The following COL22A1 variants were observed in gnomAD, a reference collection of about 807,000 sequenced individuals.
COL22A1 encodes the protein collagen type XXII alpha 1 chain, also known as collagen alpha-1(XXII) chain.
A neutral mutation model predicts 248.9 loss-of-function variants in COL22A1; 221 were observed. That is an observed-to-expected ratio of 0.89 (90% CI 0.80 to 0.99). COL22A1 has a LOEUF of 0.99. Ranked by LOEUF, COL22A1 falls within the 50% of genes least tolerant of loss-of-function variation. COL22A1 has a pLI of 0.00. For missense variants in COL22A1, 2,240 were observed against 2,179.0 expected, an observed-to-expected ratio of 1.03 and a Z score of -0.56; for synonymous variants, 891 against 793.4, an observed-to-expected ratio of 1.12 and a Z score of -2.07.
chr8:138,663,970 C>T (rs1032369241), intron 41 of COL22A1, among the ~76,000 whole-genome samples: 2 of 151,890 alleles, frequency 1.3e-5, no homozygotes, highest in African/African-American at 4.8e-5. Context: ...TGATGCCACC[C>T]TATCATCATC....
chr8:138,710,606 T>TATATATATATATATAG (rs150247137), intron 30 of COL22A1, among the ~76,000 whole-genome samples: 11 of 147,840 alleles, frequency 7.4e-5, no homozygotes, highest in African/African-American at 2.8e-4. Context: ...TATCTATCTA[T>TATATATATATATATAG]CTATATATAT....
intron 3 of COL22A1, among the ~76,000 whole-genome samples, chr8:138,858,354 C>A (rs1239247969): frequency 6.6e-6 from 1 of 151,938 alleles, no homozygotes; most frequent in Non-Finnish European, 1.5e-5. Flanking sequence ...TTCTTTTTTT[C>A]TTTTTCTTTG....
In COL22A1 at chr8:138,773,248, A is replaced by T. The variant is rs973746817; in HGVS notation, c.1803+2718T>A. Among the ~76,000 whole-genome samples the T allele has an allele frequency of 2.6e-5, 4 of 152,148 alleles. No homozygotes were observed. The East Asian group carries it at 7.7e-4, about 29-fold the overall frequency. On this transcript the variant is annotated intron_variant, in intron 16 of 64. Coordinates refer to ENST00000303045, the MANE Select transcript of COL22A1 (RefSeq NM_152888.3). ...TCCCCTGACAGGCTCAGCCCAGCCC[A>T]GGATTCAGACAAATGGAGAAGCCAC...
At chr8:138,627,598 A>T (rs893048413) in intron 50 of COL22A1, among the ~76,000 whole-genome samples, 3 of 152,168 alleles carry the variant, frequency 2.0e-5, no homozygotes, top group African/African-American at 7.2e-5. Flanking sequence ...AATCAATTCC[A>T]TTGGCAGAGA....
chr8:138,664,780 A>T (rs144417910), intron 41 of COL22A1, among the ~76,000 whole-genome samples: 1 of 152,336 alleles, frequency 6.6e-6, no homozygotes, highest in Non-Finnish European at 1.5e-5. Context: ...CATTTGATCA[A>T]AATGAAAAAT....
chr8:138,590,424 C>T (rs937045591), intron 64 of COL22A1, among the ~76,000 whole-genome samples: 2 of 152,124 alleles, frequency 1.3e-5, no homozygotes, highest in Non-Finnish European at 2.9e-5. Flanking sequence ...CAGTTACTTC[C>T]TCCTTTTAAA....
chr8:138,773,160 A>G (rs1834529953), intron 16 of COL22A1, among the ~76,000 whole-genome samples: 1 of 152,238 alleles, frequency 6.6e-6, no homozygotes. Context: ...CTCATGGAAC[A>G]GTGAACCCAG....
intron 22 of COL22A1, among the ~76,000 whole-genome samples, chr8:138,741,676 G>A (rs1372007230): frequency 1.3e-5 from 2 of 152,238 alleles, no homozygotes; most frequent in Admixed American, 1.3e-4. Flanking sequence ...GCTCCTTTGT[G>A]TTCTTGTAGT....
chr8:138,809,187 C>T (rs975082715), intron 9 of COL22A1, among the ~76,000 whole-genome samples: 1 of 152,108 alleles, frequency 6.6e-6, no homozygotes, highest in Non-Finnish European at 1.5e-5. Flanking sequence ...AGCAGGCTCC[C>T]TTCTCACCCC....
At position 138,743,986 on chromosome 8, in the gene COL22A1, AG is replaced by A. The variant is rs549727216; in HGVS notation, c.2086-6410del. 1.8e-4 allele frequency among the ~76,000 whole-genome samples: 27 copies of A among 152,320 alleles called. 1 individual carries two copies. In the South Asian group the frequency reaches 5.4e-3, roughly 30 times the overall value. On this transcript the variant is annotated intron_variant, in intron 22 of 64. Coordinates refer to ENST00000303045, the MANE Select transcript of COL22A1 (RefSeq NM_152888.3). ...ATATGTGCCGTATGGTCTTCTGCTCAGTTCCTGTTCTCCAGGCCTCAGAATG... is the reference window on the plus strand; with the variant it reads ...ATATGTGCCGTATGGTCTTCTGCTCATTCCTGTTCTCCAGGCCTCAGAATG...
intron 12 of COL22A1, among the ~76,000 whole-genome samples, chr8:138,794,828 T>C (rs1478089639): frequency 1.3e-5 from 2 of 152,114 alleles, no homozygotes; most frequent in African/African-American, 4.8e-5. Flanking sequence ...AAATACTACA[T>C]AATTCCACAT....
At position 138,889,232 on chromosome 8, in the gene COL22A1, C is replaced by A. The variant is rs16909752; in HGVS notation, c.-72-5988G>T. On this transcript the variant is annotated intron_variant, in intron 1 of 64. Coordinates refer to ENST00000303045, the MANE Select transcript of COL22A1 (RefSeq NM_152888.3). The stretch of plus-strand genomic sequence containing the variant: ...TCTGGGCACTAAACCCACACTCTTT[C>A]CCTGAACTCAATGGATACAACAAAT... Among the ~76,000 whole-genome samples the A allele has an allele frequency of 5.1e-3, 775 of 152,274 alleles. 4 individuals are homozygous for A. Among genetic ancestry groups the A allele is most frequent in the African/African-American group, 0.018 (730 of 41,546 alleles).
At position 138,590,276 on chromosome 8, in the gene COL22A1, T is replaced by G. The variant is rs180887419; in HGVS notation, c.4694-836A>C. Among the ~76,000 whole-genome samples, 95 of 152,314 alleles carry G rather than the reference T, an allele frequency of 6.2e-4. 1 individual carries two copies. The highest frequency in any genetic ancestry group is 2.2e-3 in the African/African-American group (93 of 41,582). On this transcript the variant is annotated intron_variant, in intron 64 of 64. Transcript: ENST00000303045. ...AAAGTAAACTTTTTACTTAAAAAGA[T>G]CTGTAGATATTTCACTAACTCTATT...
chr8:138,766,736 T>C (rs1833941816), intron 16 of COL22A1, among the ~76,000 whole-genome samples: 1 of 152,014 alleles, frequency 6.6e-6, no homozygotes, highest in African/African-American at 2.4e-5. Flanking sequence ...ACAGAAGATG[T>C]GGCATTCAGA....
At chr8:138,613,571 C>G (rs1389182813) in intron 56 of COL22A1, among the ~76,000 whole-genome samples, 1 of 152,178 alleles carries the variant, frequency 6.6e-6, no homozygotes, top group Non-Finnish European at 1.5e-5. Flanking sequence ...GCACCAACCC[C>G]TGGTGTGGCC....
intron 3 of COL22A1, among the ~76,000 whole-genome samples, chr8:138,871,613 T>C (rs1823347587): frequency 6.6e-6 from 1 of 152,228 alleles, no homozygotes; most frequent in South Asian, 2.1e-4. Flanking sequence ...AGTGGGATCA[T>C]GTATGTCACA....
chr8:138,594,221 G>T, intron 62 of COL22A1, 22 bp from the exon 63 acceptor site: 2 of 1,556,476 alleles, frequency 1.3e-6, no homozygotes, highest in Non-Finnish European at 1.7e-6. Flanking sequence ...AAAAAGAGAG[G>T]CATTTCATGA....
chr8:138,704,623 C>G lies in COL22A1; in HGVS notation c.2518-1276G>C, dbSNP rs568377239. The stretch of plus-strand genomic sequence containing the variant: ...GACATCCACACCAACCCCATCTGTA[C>G]ATCACCATCATCAAAGACCAAAGGT... On this transcript the variant is annotated intron_variant, in intron 30 of 64. Coordinates refer to ENST00000303045, the MANE Select transcript of COL22A1 (RefSeq NM_152888.3). 6.3e-4 allele frequency among the ~76,000 whole-genome samples: 96 copies of G among 152,314 alleles called. 1 individual carries two copies. Among genetic ancestry groups the G allele is most frequent in the African/African-American group, 1.8e-3 (76 of 41,586 alleles).
intron 3 of COL22A1, among the ~76,000 whole-genome samples, chr8:138,858,417 A>G (rs1822205877): frequency 6.6e-6 from 1 of 151,282 alleles, no homozygotes; most frequent in African/African-American, 2.4e-5. Context: ...GTCTTGCTTT[A>G]TCACCCAGGC....
Sources: allele counts gnomAD v4.1 joint callset (sites outside exome capture counted in the v4.1 genomes callset), GRCh38; gene constraint gnomAD v4.1.1; transcripts MANE v1.5; gene names NCBI Gene and HGNC (gene_info 2026-07-23, HGNC 2026-07-21).